ZBTB16: variants seen among roughly 807,000 people sequenced by gnomAD.
ZBTB16 encodes the protein zinc finger and BTB domain containing 16, also known as zinc finger and BTB domain-containing protein 16.
Under a neutral mutation model 56.8 loss-of-function variants are expected in ZBTB16, and 8 were observed. The observed-to-expected ratio is 0.14, with a 90% CI of 0.08 to 0.25. The LOEUF is 0.25. ZBTB16 is among the 10% of genes least tolerant of loss of function. ZBTB16 has a pLI of 1.00. For synonymous variants in ZBTB16, 363 were observed against 368.5 expected (o/e 0.98, Z 0.17); for missense variants, 625 against 903.0 (o/e 0.69, Z 3.95).
At chr11:114,123,840 CCT>C (rs1384449162) in intron 2 of ZBTB16, among the ~76,000 whole-genome samples, 1 of 152,082 alleles carries the variant, frequency 6.6e-6, no homozygotes, top group African/African-American at 2.4e-5. Context: ...GCCACCCACC[CCT>C]GTCACCTGTG....
At chr11:114,148,336 G>GCTTCCTTCCTTCCTTC (rs1202157247) in intron 2 of ZBTB16, among the ~76,000 whole-genome samples, 62 of 52,570 alleles carry the variant, frequency 1.2e-3, no homozygotes, top group South Asian at 2.3e-3. Flanking sequence ...TGGCTGGCTG[G>GCTTCCTTCCTTCCTTC]CTTCCTTCCT....
intron 2 of ZBTB16, among the ~76,000 whole-genome samples, chr11:114,133,161 T>C (rs1941711027): frequency 6.6e-6 from 1 of 152,084 alleles, no homozygotes; most frequent in Non-Finnish European, 1.5e-5. Flanking sequence ...CTTCACAAAA[T>C]TGACTGGTGT....
intron 4 of ZBTB16, among the ~76,000 whole-genome samples, chr11:114,241,535 A>G (rs1283545790): frequency 6.6e-6 from 1 of 152,170 alleles, no homozygotes; most frequent in Non-Finnish European, 1.5e-5. Flanking sequence ...GATAAATGTA[A>G]TGTGCTTGAA....
At chr11:114,173,007 G>A (rs1273752602) in intron 3 of ZBTB16, among the ~76,000 whole-genome samples, 1 of 152,168 alleles carries the variant, frequency 6.6e-6, no homozygotes, top group Admixed American at 6.5e-5. Flanking sequence ...TAGTTGTAAT[G>A]TAACACCTCA....
chr11:114,227,439 A>C (rs1944350723), intron 4 of ZBTB16, among the ~76,000 whole-genome samples: 2 of 152,214 alleles, frequency 1.3e-5, no homozygotes, highest in Non-Finnish European at 2.9e-5. Flanking sequence ...AGTCCAGAGA[A>C]ATCAAATTCA....
intron 2 of ZBTB16, among the ~76,000 whole-genome samples, chr11:114,102,052 T>C (rs1940627541): frequency 6.6e-6 from 1 of 152,216 alleles, no homozygotes; most frequent in Non-Finnish European, 1.5e-5. Flanking sequence ...CTCTTTCTGT[T>C]GGTGTGGGTC....
intron 4 of ZBTB16, among the ~76,000 whole-genome samples, chr11:114,215,047 C>G (rs1346301402): frequency 6.6e-6 from 1 of 150,484 alleles, no homozygotes; most frequent in Non-Finnish European, 1.5e-5. Flanking sequence ...ATTTCTGGAT[C>G]TATGAGGTTA....
chr11:114,110,295 A>G (rs749135150), intron 2 of ZBTB16, among the ~76,000 whole-genome samples: 6 of 152,140 alleles, frequency 3.9e-5, no homozygotes, highest in Non-Finnish European at 8.8e-5. Context: ...TTCTGTGGCA[A>G]CCTGTGCACA....
At chr11:114,182,347 G>T (rs778655636) in intron 3 of ZBTB16, among the ~76,000 whole-genome samples, 1 of 152,124 alleles carries the variant, frequency 6.6e-6, no homozygotes, top group Non-Finnish European at 1.5e-5. Context: ...ATTGTGTCCG[G>T]CCCTCTTCAT....
intron 4 of ZBTB16, among the ~76,000 whole-genome samples, chr11:114,217,495 GA>G (rs1944131864): frequency 6.6e-6 from 1 of 152,180 alleles, no homozygotes; most frequent in Non-Finnish European, 1.5e-5. Flanking sequence ...GAGTGACCAA[GA>G]GGATGTTAGT....
rs144402061 is a variant in ZBTB16 at position 114,134,507 on chromosome 11, A to G, written c.1269-21830A>G. Among the ~76,000 whole-genome samples, 46 of 152,304 alleles carry G rather than the reference A, an allele frequency of 3.0e-4. No homozygotes were observed. The East Asian group carries it at 6.8e-3, about 22-fold the overall frequency. On this transcript the variant is annotated intron_variant, in intron 2 of 6. Coordinates refer to ENST00000335953, the MANE Select transcript of ZBTB16 (RefSeq NM_006006.6). The stretch of plus-strand genomic sequence containing the variant: ...AGGAAAGGGCTAGTTATTATTTTTG[A>G]TAAATGGGAATGGGGTCAGCCAATG...
intron 3 of ZBTB16, among the ~76,000 whole-genome samples, chr11:114,181,638 C>T (rs889786280): frequency 3.9e-5 from 6 of 152,152 alleles, no homozygotes; most frequent in African/African-American, 1.4e-4. Context: ...ATCAGTTCAT[C>T]AAGGTGTGAT....
Position 114,254,404 on chromosome 11 carries a change from G to GA in ZBTB16, c.*3858dup, listed in dbSNP as rs200413487. On this transcript the variant is annotated 3_prime_UTR_variant, in exon 7 of 7. Coordinates refer to ENST00000335953, the MANE Select transcript of ZBTB16 (RefSeq NM_006006.6). ...AGTTTTTCCATGTTGAGAAAAAAAA[G>GA]AAAAAAAAACTGCTGCAATTTTTCA... 1.2e-4 allele frequency among the ~76,000 whole-genome samples: 18 copies of GA among 150,494 alleles called. No homozygotes were observed. Among genetic ancestry groups the GA allele is most frequent in the South Asian group, 6.3e-4 (3 of 4,762 alleles).
At chr11:114,103,327 T>C (rs984342029) in intron 2 of ZBTB16, among the ~76,000 whole-genome samples, 1 of 152,158 alleles carries the variant, frequency 6.6e-6, no homozygotes, top group Non-Finnish European at 1.5e-5. Context: ...AGTTTAACTC[T>C]GTCATGGGTC....
At chr11:114,224,504 TG>T (rs1348482163) in intron 4 of ZBTB16, among the ~76,000 whole-genome samples, 1 of 152,172 alleles carries the variant, frequency 6.6e-6, no homozygotes, top group African/African-American at 2.4e-5. Context: ...AGGAGGCATG[TG>T]GGTATACAGA....
At chr11:114,229,534 C>A (rs1944395623) in intron 4 of ZBTB16, among the ~76,000 whole-genome samples, 1 of 152,224 alleles carries the variant, frequency 6.6e-6, no homozygotes, top group African/African-American at 2.4e-5. Context: ...AATCCAGCCT[C>A]TCACCCTCTA....
intron 2 of ZBTB16, among the ~76,000 whole-genome samples, chr11:114,102,276 A>G (rs1239021190): frequency 6.6e-6 from 1 of 152,132 alleles, no homozygotes; most frequent in Non-Finnish European, 1.5e-5. Flanking sequence ...TCGTGGCTGT[A>G]AGGTGCTGGT....
intron 2 of ZBTB16, among the ~76,000 whole-genome samples, chr11:114,113,198 C>T (rs142555942): frequency 6.6e-5 from 10 of 152,284 alleles, no homozygotes; most frequent in East Asian, 1.9e-4. Flanking sequence ...CTGTCTCACT[C>T]GTCTTTGAAT....
intron 3 of ZBTB16, among the ~76,000 whole-genome samples, chr11:114,178,769 G>A (rs1943179584): frequency 6.6e-6 from 1 of 152,188 alleles, no homozygotes; most frequent in African/African-American, 2.4e-5. Context: ...GGTAGGATAA[G>A]AAATGTTCCC....
Sources: gnomAD v4.1 joint callset for allele counts (sites outside exome capture counted in the v4.1 genomes callset) on GRCh38, gnomAD v4.1.1 for gene constraint, MANE v1.5 for transcripts, NCBI Gene and HGNC (gene_info 2026-07-23, HGNC 2026-07-21) for gene names.